Variants in MPPED1 observed in about 807,000 individuals in gnomAD.
MPPED1 encodes the protein metallophosphoesterase domain-containing protein 1.
Under a neutral mutation model 36.2 loss-of-function variants are expected in MPPED1, and 16 were observed. The observed-to-expected ratio is 0.44, with a 90% CI of 0.30 to 0.67. MPPED1 has a LOEUF of 0.67. Ranked by LOEUF, MPPED1 falls within the 30% of genes least tolerant of loss-of-function variation. The probability of loss-of-function intolerance (pLI) is 0.10; values close to 1 mark genes in which losing one functional copy is unlikely to be tolerated. For missense variants in MPPED1, 307 were observed against 453.4 expected (o/e 0.68, Z 2.93); for synonymous variants, 199 against 191.3 (o/e 1.04, Z -0.33).
At chr22:43,433,541 C>T (rs1262745221) in intron 2 of MPPED1, among the ~76,000 whole-genome samples, 15 of 150,822 alleles carry the variant, frequency 9.9e-5, no homozygotes, top group Admixed American at 9.9e-4. Context: ...TTCCTCCCAG[C>T]GTAGACCAGC....
At chr22:43,494,228 C>T (rs1210923568) in intron 4 of MPPED1, among the ~76,000 whole-genome samples, 1 of 152,174 alleles carries the variant, frequency 6.6e-6, no homozygotes, top group African/African-American at 2.4e-5. Flanking sequence ...TTTGTAGAGA[C>T]AGTGTCTTAC....
chr22:43,467,728 G>A (rs573894719), intron 3 of MPPED1, among the ~76,000 whole-genome samples: 1 of 152,208 alleles, frequency 6.6e-6, no homozygotes, highest in South Asian at 2.1e-4. Flanking sequence ...CCCCTCTGCT[G>A]TGTTCTGCGA....
chr22:43,415,439 A>G (rs1209854410), intron 1 of MPPED1, among the ~76,000 whole-genome samples: 1 of 152,094 alleles, frequency 6.6e-6, no homozygotes, highest in Admixed American at 6.6e-5. Context: ...GACAAGACTT[A>G]GTTATACTTT....
At chr22:43,424,749 G>C (rs975845040) in intron 1 of MPPED1, among the ~76,000 whole-genome samples, 159 bp from the exon 2 acceptor site, 1 of 149,978 alleles carries the variant, frequency 6.7e-6, no homozygotes, top group Non-Finnish European at 1.5e-5. Flanking sequence ...TCATCAAACT[G>C]CTGAGTTGGA....
chr22:43,494,907 T>A (rs1028646540), intron 4 of MPPED1, among the ~76,000 whole-genome samples: 1 of 152,180 alleles, frequency 6.6e-6, no homozygotes, highest in African/African-American at 2.4e-5. Context: ...CCTTGCTGTT[T>A]CCTTACATAG....
intron 4 of MPPED1, among the ~76,000 whole-genome samples, chr22:43,476,901 A>G (rs1931594688): frequency 6.6e-6 from 1 of 152,052 alleles, no homozygotes. Flanking sequence ...AAAAACCAGG[A>G]GGGCCGTCTA....
intron 4 of MPPED1, among the ~76,000 whole-genome samples, chr22:43,489,492 G>C (rs1437379357): frequency 6.6e-6 from 1 of 151,660 alleles, no homozygotes; most frequent in Non-Finnish European, 1.5e-5. Context: ...TGGATGTCTT[G>C]TGCATGACTT....
At chr22:43,495,477 A>AGGTAGTGGTGGTGGAGGT (rs1932250030) in intron 4 of MPPED1, among the ~76,000 whole-genome samples, 1 of 15,366 alleles carries the variant, frequency 6.5e-5, no homozygotes, top group Non-Finnish European at 1.0e-4. Context: ...GTGATGGTGG[A>AGGTAGTGGTGGTGGAGGT]GGTGGTGGTG....
rs1233258245 is a variant in MPPED1 at position 43,412,115 on chromosome 22, C to G, written c.-122C>G. On this transcript the variant is annotated 5_prime_UTR_variant, in exon 1 of 7. Coordinates refer to ENST00000443721, the MANE Select transcript of MPPED1 (RefSeq NM_001044370.2). The stretch of plus-strand genomic sequence containing the variant: ...CCCCTGCCTCCCTCGGTGCGCGCTG[C>G]TGCTCGCAGCCGCCGCGGCCGCCGA... 1 of 979,464 alleles carries G rather than the reference C, an allele frequency of 1.0e-6. No individual in the cohort carries two copies. Among genetic ancestry groups the G allele is most frequent in the Non-Finnish European group, 1.2e-6 (1 of 827,686 alleles). 60.7% of individuals were successfully genotyped at this position (979,464 alleles called of 1,614,324 possible). A position where few individuals can be genotyped will look rare whatever the true frequency, so the allele number is the denominator to read the frequency against.
At chr22:43,486,385 G>A (rs1461632830) in intron 4 of MPPED1, among the ~76,000 whole-genome samples, 1 of 152,198 alleles carries the variant, frequency 6.6e-6, no homozygotes, top group African/African-American at 2.4e-5. Flanking sequence ...GGAGGTATTG[G>A]GGTGGGAAGA....
At chr22:43,498,719 T>C (rs141075713) in intron 5 of MPPED1, among the ~76,000 whole-genome samples, 104,142 of 151,626 alleles carry the variant, frequency 0.69, 36,700 homozygotes, top group African/African-American at 0.85. Context: ...CTCAGAAACC[T>C]GGGGTCCCCA....
chr22:43,472,002 T>C lies in MPPED1; in HGVS notation c.407-2734T>C, dbSNP rs927192410. Among the ~76,000 whole-genome samples the C allele has an allele frequency of 2.0e-5, 3 of 152,118 alleles. No homozygotes were observed. The East Asian group carries it at 5.8e-4, about 29-fold the overall frequency. Reference sequence around the variant, plus strand: ...ATGTCCCCAGGGACAGAAACCCAAATGCCTGTTAAGAGTGGGCGGTACCTT... The same window carrying C: ...ATGTCCCCAGGGACAGAAACCCAAACGCCTGTTAAGAGTGGGCGGTACCTT... On this transcript the variant is annotated intron_variant, in intron 3 of 6. Coordinates refer to ENST00000443721, the MANE Select transcript of MPPED1 (RefSeq NM_001044370.2).
chr22:43,496,290 A>T (rs1374873176), intron 4 of MPPED1, among the ~76,000 whole-genome samples: 10 of 11,274 alleles, frequency 8.9e-4, no homozygotes, highest in Admixed American at 3.9e-3. Context: ...GTGGTGGTGG[A>T]GGTGGTGGTG....
At position 43,412,142 on chromosome 22, in the gene MPPED1, G is replaced by A. The variant is rs948630765; in HGVS notation, c.-95G>A. 2.0e-6 allele frequency: 2 copies of A among 979,818 alleles called. No individual in the cohort carries two copies. Among genetic ancestry groups the A allele is most frequent in the African/African-American group, 3.5e-5 (2 of 56,616 alleles). 60.7% of individuals were successfully genotyped at this position (979,818 alleles called of 1,614,324 possible). ...GCTCGCAGCCGCCGCGGCCGCCGAA[G>A]AGGAGCCCGGGGCCAGGTAGGACCG... On this transcript the variant is annotated 5_prime_UTR_variant, in exon 1 of 7. Transcript: ENST00000443721.
chr22:43,500,377 T>TGGTGGA (rs1932684654), intron 5 of MPPED1, among the ~76,000 whole-genome samples: 2 of 148,536 alleles, frequency 1.3e-5, no homozygotes, highest in Non-Finnish European at 3.0e-5. Flanking sequence ...ATGGGGGTGG[T>TGGTGGA]GGTGGTGATG....
At chr22:43,495,929 G>A (rs1241228950) in intron 4 of MPPED1, among the ~76,000 whole-genome samples, 995 of 100,790 alleles carry the variant, frequency 9.9e-3, no homozygotes, top group African/African-American at 0.013. Context: ...GGTGGTGGAG[G>A]TGATGGTGGA....
At chr22:43,496,328 A>G (rs374014964) in intron 4 of MPPED1, among the ~76,000 whole-genome samples, 216 of 2,798 alleles carry the variant, frequency 0.077, 19 homozygotes, top group East Asian at 0.1. Flanking sequence ...GATGGTGGTG[A>G]TGGAGGTGGT....
chr22:43,429,255 C>T (rs903155308), intron 2 of MPPED1, among the ~76,000 whole-genome samples: 5 of 152,162 alleles, frequency 3.3e-5, no homozygotes, highest in Non-Finnish European at 4.4e-5. Flanking sequence ...CCACCCAGTG[C>T]TGTGTGGCTC....
rs1932832005 is a variant in MPPED1 at position 43,507,603 on chromosome 22, G to A, written c.*1987G>A. The A allele has an allele frequency of 6.6e-6, 1 of 152,118 alleles. No homozygotes were observed. The highest frequency in any genetic ancestry group is 1.5e-5 in the Non-Finnish European group (1 of 68,028). The allele number at this position is 152,118 out of a possible 1,614,324, so 9.4% of individuals were successfully genotyped here. On this transcript the variant is annotated 3_prime_UTR_variant, in exon 7 of 7. Transcript: ENST00000443721. ...GCCAGCTCCACTCAATTTCTATGTG[G>A]ACCAAGAACGATAAACTTAAAAAAA...
Sources: allele counts gnomAD v4.1 joint callset (sites outside exome capture counted in the v4.1 genomes callset), GRCh38; gene constraint gnomAD v4.1.1; transcripts MANE v1.5; gene names NCBI Gene and HGNC (gene_info 2026-07-23, HGNC 2026-07-21).